The following B3GALT1 variants were observed in gnomAD, a reference collection of about 807,000 sequenced individuals.
The protein encoded by B3GALT1 is beta-1,3-galactosyltransferase 1.
In B3GALT1, 10 loss-of-function variants were observed where a neutral mutation model predicts 23.2. The ratio of observed to expected loss-of-function variants is 0.43; its 90% CI spans 0.27 to 0.73. The LOEUF (loss-of-function observed/expected upper bound fraction) is 0.73. Among genes scored for constraint, B3GALT1 ranks in the 30% least tolerant of loss-of-function variants. B3GALT1 has a pLI of 0.21. For synonymous variants in B3GALT1, 156 were observed against 141.5 expected (o/e 1.10, Z -0.73); for missense variants, 299 against 405.4 (o/e 0.74, Z 2.25).
At chr2:167,470,839 A>G (rs1699410770) in intron 1 of B3GALT1, among the ~76,000 whole-genome samples, 1 of 152,238 alleles carries the variant, frequency 6.6e-6, no homozygotes, top group South Asian at 2.1e-4. Context: ...ATGTAAAATT[A>G]AAAATAAAAT....
intron 1 of B3GALT1, among the ~76,000 whole-genome samples, chr2:167,369,244 C>T (rs1469621498): frequency 1.3e-5 from 2 of 152,030 alleles, no homozygotes; most frequent in Non-Finnish European, 2.9e-5. Flanking sequence ...ATGTGCATGA[C>T]AGAATAGGAT....
chr2:167,597,377 A>T (rs1684798165), intron 2 of B3GALT1, among the ~76,000 whole-genome samples: 1 of 151,878 alleles, frequency 6.6e-6, no homozygotes, highest in African/African-American at 2.4e-5. Context: ...GGCCTCCCAA[A>T]GTGCTGGGAT....
chr2:167,761,286 C>T (rs1028138637), intron 3 of B3GALT1, among the ~76,000 whole-genome samples: 1 of 152,180 alleles, frequency 6.6e-6, no homozygotes, highest in Non-Finnish European at 1.5e-5. Flanking sequence ...TCATTTCCCT[C>T]AGAACATTGC....
chr2:167,731,312 A>C (rs1002121635), intron 3 of B3GALT1, among the ~76,000 whole-genome samples: 3 of 152,136 alleles, frequency 2.0e-5, no homozygotes, highest in Non-Finnish European at 2.9e-5. Flanking sequence ...TTCTTCATTT[A>C]TTTCTTTATT....
intron 1 of B3GALT1, among the ~76,000 whole-genome samples, chr2:167,342,602 AG>A: frequency 6.6e-6 from 1 of 150,638 alleles, no homozygotes; most frequent in African/African-American, 2.5e-5. Flanking sequence ...AAAAAAAAAA[AG>A]AAAAAAAAAC....
In B3GALT1 at chr2:167,666,889, C is replaced by CTTGA. The variant is rs751807809; in HGVS notation, c.-352+19924_-352+19927dup. On this transcript the variant is annotated intron_variant, in intron 3 of 4. Coordinates refer to ENST00000392690, the MANE Select transcript of B3GALT1 (RefSeq NM_020981.4). ...TACTGAATACAGCACACTGAAGAGTCTTGACTCTTTATCCAATTTGCCAGT... is the reference window on the plus strand; with the variant it reads ...TACTGAATACAGCACACTGAAGAGTCTTGATTGACTCTTTATCCAATTTGCCAGT... 3.3e-5 allele frequency among the ~76,000 whole-genome samples: 5 copies of CTTGA among 152,310 alleles called. No homozygotes were observed. The South Asian group carries it at 8.3e-4, about 25-fold the overall frequency.
chr2:167,871,745 A>G lies in B3GALT1; in HGVS notation c.*1725A>G, dbSNP rs1483898689. On this transcript the variant is annotated 3_prime_UTR_variant, in exon 5 of 5. Coordinates refer to ENST00000392690, the MANE Select transcript of B3GALT1 (RefSeq NM_020981.4). ...CTCTCTAAGAAATTTGAGCGCAGGT[A>G]AAGCTAGTTCACCTCTTTCAGAAGC... 4 of 152,208 alleles carry G rather than the reference A, an allele frequency of 2.6e-5. No homozygotes were observed. Among genetic ancestry groups the G allele is most frequent in the Non-Finnish European group, 4.4e-5 (3 of 68,054 alleles). 9.4% of individuals were successfully genotyped at this position (152,208 alleles called of 1,614,324 possible). A position where few individuals can be genotyped will look rare whatever the true frequency, so the allele number is the denominator to read the frequency against.
intron 2 of B3GALT1, among the ~76,000 whole-genome samples, chr2:167,510,493 C>G (rs1219035203): frequency 6.6e-6 from 1 of 151,336 alleles, no homozygotes; most frequent in Admixed American, 6.6e-5. Context: ...ATAAGAACTC[C>G]CCACTAGTAA....
intron 4 of B3GALT1, among the ~76,000 whole-genome samples, chr2:167,838,405 G>A (rs1159292073): frequency 6.6e-5 from 10 of 152,238 alleles, no homozygotes; most frequent in East Asian, 1.9e-4. Flanking sequence ...ACACCTCTAC[G>A]GAAATAAACT....
chr2:167,462,771 A>G lies in B3GALT1; in HGVS notation c.-510-27406A>G, dbSNP rs540581254. Among the ~76,000 whole-genome samples the G allele has an allele frequency of 5.3e-5, 8 of 152,308 alleles. No homozygotes were observed. In the South Asian group the frequency reaches 1.2e-3, roughly 24 times the overall value. ...GATTCTTTCAGTATAGATTCTTCTC[A>G]TAGTAATCTTTAGCTCATTATAACA... On this transcript the variant is annotated intron_variant, in intron 1 of 4. Transcript: ENST00000392690.
rs370053795 is a variant in B3GALT1, at chr2:167,432,852, A to G, written c.-510-57325A>G. ...TGCATACCCTGGTCCCCACACATGC[A>G]TAGATAACCTCCCCATTATCAACAT... On this transcript the variant is annotated intron_variant, in intron 1 of 4. Transcript: ENST00000392690. Among the ~76,000 whole-genome samples, 65 of 152,340 alleles carry G rather than the reference A, an allele frequency of 4.3e-4. 1 individual carries two copies. The South Asian group carries it at 9.5e-3, about 22-fold the overall frequency.
rs1476231228 is a variant in B3GALT1 at position 167,646,896 on chromosome 2, T to G, written c.-409-13T>G. Reference sequence around the variant, plus strand: ...TTTAATCTAAATGTATTTTTTTTCTTCTCTTGAAAAAGTTCTCTTGCTGTG... The same window carrying G: ...TTTAATCTAAATGTATTTTTTTTCTGCTCTTGAAAAAGTTCTCTTGCTGTG... On this transcript the variant is annotated splice_polypyrimidine_tract_variant and intron_variant, in intron 2 of 4. Coordinates refer to ENST00000392690, the MANE Select transcript of B3GALT1 (RefSeq NM_020981.4). Among the ~76,000 whole-genome samples, 5 of 152,190 alleles carry G rather than the reference T, an allele frequency of 3.3e-5. No individual in the cohort carries two copies. Among genetic ancestry groups the G allele is most frequent in the Non-Finnish European group, 7.3e-5 (5 of 68,038 alleles).
At chr2:167,324,541 G>A (rs1237306482) in intron 1 of B3GALT1, among the ~76,000 whole-genome samples, 1 of 151,838 alleles carries the variant, frequency 6.6e-6, no homozygotes, top group East Asian at 1.9e-4. Context: ...AATTTTCTGT[G>A]GTAGGTTTTA....
In B3GALT1 at chr2:167,589,739, G is replaced by A. The variant is rs972365275; in HGVS notation, c.-409-57170G>A. 7.9e-5 allele frequency among the ~76,000 whole-genome samples: 12 copies of A among 151,992 alleles called. No homozygotes were observed. The East Asian group carries it at 2.3e-3, about 29-fold the overall frequency. ...TATATATTATTTTGAAAAAATCACCGTTACCTACTTTATATTTTTATTATA... is the reference window on the plus strand; with the variant it reads ...TATATATTATTTTGAAAAAATCACCATTACCTACTTTATATTTTTATTATA... On this transcript the variant is annotated intron_variant, in intron 2 of 4. Transcript: ENST00000392690.
chr2:167,569,863 T>C (rs967437759), intron 2 of B3GALT1, among the ~76,000 whole-genome samples: 1 of 151,910 alleles, frequency 6.6e-6, no homozygotes, highest in African/African-American at 2.4e-5. Context: ...AGAGTTTTTA[T>C]CATGAATGGG....
chr2:167,722,944 A>T (rs1041745277), intron 3 of B3GALT1, among the ~76,000 whole-genome samples: 1 of 152,256 alleles, frequency 6.6e-6, no homozygotes, highest in African/African-American at 2.4e-5. Flanking sequence ...ATGATAGATG[A>T]GTCCAAAATT....
chr2:167,777,841 G>A (rs1358954607), intron 3 of B3GALT1, among the ~76,000 whole-genome samples: 2 of 152,080 alleles, frequency 1.3e-5, no homozygotes, highest in East Asian at 1.9e-4. Context: ...GACTAGGACA[G>A]TGATTCTCAA....
At chr2:167,610,693 C>G (rs1221976419) in intron 2 of B3GALT1, among the ~76,000 whole-genome samples, 1 of 151,858 alleles carries the variant, frequency 6.6e-6, no homozygotes, top group Non-Finnish European at 1.5e-5. Context: ...CCTGGACCAA[C>G]CCAGATCTGA....
intron 3 of B3GALT1, among the ~76,000 whole-genome samples, chr2:167,745,651 T>C (rs929947576): frequency 6.6e-6 from 1 of 152,196 alleles, no homozygotes; most frequent in Admixed American, 6.5e-5. Flanking sequence ...CTTACTATCA[T>C]ATTTTCATCC....
Sources: allele counts gnomAD v4.1 joint callset (sites outside exome capture counted in the v4.1 genomes callset), GRCh38; gene constraint gnomAD v4.1.1; transcripts MANE v1.5; gene names NCBI Gene and HGNC (gene_info 2026-07-23, HGNC 2026-07-21).